The following RUNDC3B variants were observed in gnomAD, a reference collection of about 807,000 sequenced individuals.
The protein encoded by RUNDC3B is RUN domain containing 3B, also known as RUN domain-containing protein 3B.
A neutral mutation model predicts 58.4 loss-of-function variants in RUNDC3B; 33 were observed. The ratio of observed to expected loss-of-function variants is 0.56; its 90% CI spans 0.43 to 0.75. RUNDC3B has a LOEUF of 0.75. RUNDC3B is among the 30% of genes least tolerant of loss of function. RUNDC3B has a pLI of 0.00. For missense variants in RUNDC3B, 501 were observed against 535.7 expected (o/e 0.94, Z 0.64); for synonymous variants, 193 against 195.2 (o/e 0.99, Z 0.10).
chr7:87,773,495 A>C (rs769477034), intron 7 of RUNDC3B, among the ~76,000 whole-genome samples: 1 of 152,170 alleles, frequency 6.6e-6, no homozygotes, highest in Admixed American at 6.6e-5. Flanking sequence ...TTTCAGAGTA[A>C]TTTATAGATT....
chr7:87,777,992 G>A (rs1159095475), intron 8 of RUNDC3B, 37 bp downstream of exon 8: 1 of 1,563,268 alleles, frequency 6.4e-7, no homozygotes, highest in Non-Finnish European at 8.7e-7. Context: ...TTGGTAGCAT[G>A]TAAACATTAA....
At chr7:87,646,432 C>G (rs908753931) in intron 1 of RUNDC3B, among the ~76,000 whole-genome samples, 1 of 152,044 alleles carries the variant, frequency 6.6e-6, no homozygotes, top group Non-Finnish European at 1.5e-5. Flanking sequence ...GAATTAAGCA[C>G]TTTGTTAATT....
chr7:87,675,993 G>A (rs1167161792), intron 2 of RUNDC3B, among the ~76,000 whole-genome samples: 2 of 152,198 alleles, frequency 1.3e-5, no homozygotes, highest in Admixed American at 6.5e-5. Flanking sequence ...GACACTGGAG[G>A]ATTGCTTGAG....
chr7:87,646,465 G>A (rs1823013564), intron 1 of RUNDC3B, among the ~76,000 whole-genome samples: 1 of 152,028 alleles, frequency 6.6e-6, no homozygotes, highest in African/African-American at 2.4e-5. Context: ...ATAAGTTTTG[G>A]TGTATTTTAT....
chr7:87,732,102 A>G (rs1831613726), intron 4 of RUNDC3B, among the ~76,000 whole-genome samples: 1 of 152,202 alleles, frequency 6.6e-6, no homozygotes, highest in South Asian at 2.1e-4. Flanking sequence ...AATCAATAAC[A>G]GAGAAATTTT....
At chr7:87,794,885 G>T (rs982205097) in intron 8 of RUNDC3B, among the ~76,000 whole-genome samples, 2 of 152,110 alleles carry the variant, frequency 1.3e-5, no homozygotes, top group African/African-American at 2.4e-5. Context: ...TGGGGAAAAA[G>T]ACAGTGTTTT....
chr7:87,750,804 G>A (rs1401598203), intron 6 of RUNDC3B, among the ~76,000 whole-genome samples: 8 of 150,768 alleles, frequency 5.3e-5, no homozygotes, highest in East Asian at 3.9e-4. Context: ...AGTAGGTTGC[G>A]AAAATTTTCT....
At chr7:87,699,623 C>G (rs1377543189) in intron 2 of RUNDC3B, among the ~76,000 whole-genome samples, 4 of 152,178 alleles carry the variant, frequency 2.6e-5, no homozygotes, top group African/African-American at 7.2e-5. Context: ...CCAGGCTGGC[C>G]TCGAACTCCT....
At position 87,675,707 on chromosome 7, in the gene RUNDC3B, A is replaced by G. The variant is rs543669422; in HGVS notation, c.239-24714A>G. On this transcript the variant is annotated intron_variant, in intron 2 of 10. Coordinates refer to ENST00000394654, the MANE Select transcript of RUNDC3B (RefSeq NM_001134405.2). ...AAGAAGGAAAGAAAGAAAACAAAGA[A>G]AGAGAGAGAGAAATCGGACCTTTCT... is the stretch of plus-strand genomic sequence containing the variant. Among the ~76,000 whole-genome samples the G allele has an allele frequency of 4.6e-5, 7 of 151,388 alleles. No individual in the cohort carries two copies. The East Asian group carries it at 9.7e-4, about 21-fold the overall frequency.
intron 6 of RUNDC3B, among the ~76,000 whole-genome samples, chr7:87,765,131 A>G (rs1006783732): frequency 6.6e-6 from 1 of 151,876 alleles, no homozygotes; most frequent in East Asian, 1.9e-4. Flanking sequence ...TTTCTGCAAT[A>G]TCAGCTGTAA....
intron 6 of RUNDC3B, among the ~76,000 whole-genome samples, chr7:87,751,077 C>T (rs1416911310): frequency 2.0e-5 from 3 of 152,156 alleles, no homozygotes; most frequent in Admixed American, 2.0e-4. Context: ...GGAAGGGATC[C>T]AGTTTCAGCT....
rs541941628 is a variant in RUNDC3B, at chr7:87,743,058, G to A, written c.629+1479G>A. Among the ~76,000 whole-genome samples, 185 of 151,590 alleles carry A rather than the reference G, an allele frequency of 1.2e-3. 2 individuals carry two copies. The highest frequency in any genetic ancestry group is 0.011 in the South Asian group (52 of 4,806). On this transcript the variant is annotated intron_variant, in intron 6 of 10. Coordinates refer to ENST00000394654, the MANE Select transcript of RUNDC3B (RefSeq NM_001134405.2). ...GAACCTGGGAGGCGGAGGTTGCAGT[G>A]AGCTGAGATCATGCCACTGCACCCC...
chr7:87,678,384 T>C (rs755514694), intron 2 of RUNDC3B, among the ~76,000 whole-genome samples: 2 of 152,202 alleles, frequency 1.3e-5, no homozygotes, highest in Non-Finnish European at 2.9e-5. Context: ...ATATATTTAG[T>C]TGAAATGCTA....
intron 6 of RUNDC3B, among the ~76,000 whole-genome samples, chr7:87,751,210 G>C (rs1252883070): frequency 6.6e-6 from 1 of 152,070 alleles, no homozygotes; most frequent in Non-Finnish European, 1.5e-5. Flanking sequence ...CATTATTTCT[G>C]AGGGCTCTGT....
intron 2 of RUNDC3B, among the ~76,000 whole-genome samples, chr7:87,695,256 T>C (rs1828400340): frequency 6.6e-6 from 1 of 152,140 alleles, no homozygotes; most frequent in Non-Finnish European, 1.5e-5. Context: ...AGCTGGATGG[T>C]CTAATAAATA....
At chr7:87,827,864 G>A (rs985793078) in intron 10 of RUNDC3B, among the ~76,000 whole-genome samples, 1 of 152,108 alleles carries the variant, frequency 6.6e-6, no homozygotes, top group Non-Finnish European at 1.5e-5. Flanking sequence ...TCAGAAGTTA[G>A]CTCATAAAGA....
intron 8 of RUNDC3B, among the ~76,000 whole-genome samples, chr7:87,805,492 C>T (rs1007724913): frequency 2.0e-5 from 3 of 152,134 alleles, no homozygotes; most frequent in Admixed American, 1.3e-4. Context: ...GGCAGCTGCT[C>T]ATAGAAAACA....
At chr7:87,772,744 A>T (rs1264267827) in intron 7 of RUNDC3B, among the ~76,000 whole-genome samples, 1 of 152,218 alleles carries the variant, frequency 6.6e-6, no homozygotes, top group African/African-American at 2.4e-5. Context: ...CGCAAAATGC[A>T]AATTACATAT....
At chr7:87,810,981 T>TA (rs1351907768) in intron 9 of RUNDC3B, among the ~76,000 whole-genome samples, 2 of 152,156 alleles carry the variant, frequency 1.3e-5, no homozygotes, top group Non-Finnish European at 2.9e-5. Flanking sequence ...GAACAATAAA[T>TA]AAGTGTATAA....
Sources: gnomAD v4.1 joint callset for allele counts (sites outside exome capture counted in the v4.1 genomes callset) on GRCh38, gnomAD v4.1.1 for gene constraint, MANE v1.5 for transcripts, NCBI Gene and HGNC (gene_info 2026-07-23, HGNC 2026-07-21) for gene names.